CASR: variants seen among roughly 807,000 people sequenced by gnomAD.
CASR encodes the protein calcium sensing receptor.
Under a neutral mutation model 69.1 loss-of-function variants are expected in CASR, and 23 were observed. The observed-to-expected ratio is 0.33, with a 90% CI of 0.24 to 0.47. CASR has a LOEUF of 0.47. Ranked by LOEUF, CASR falls within the 20% of genes least tolerant of loss-of-function variation. The pLI is 1.00. For synonymous variants in CASR, 541 were observed against 544.7 expected (o/e 0.99, Z 0.10); for missense variants, 924 against 1,356.1 (o/e 0.68, Z 5.00).
At chr3:122,233,657 A>G (rs943777643) in intron 1 of CASR, among the ~76,000 whole-genome samples, 8 of 152,138 alleles carry the variant, frequency 5.3e-5, no homozygotes, top group East Asian at 3.8e-4. Context: ...TTTTATGTCT[A>G]TGCCCCACCC....
intron 1 of CASR, among the ~76,000 whole-genome samples, chr3:122,206,073 C>T (rs2074003726): frequency 6.6e-6 from 1 of 151,846 alleles, no homozygotes; most frequent in African/African-American, 2.4e-5. Context: ...CTTTCTTTTG[C>T]CTAATTATTC....
chr3:122,261,879 G>A lies in CASR; in HGVS notation c.844G>A (p.Glu282Lys), dbSNP rs1269873145. Residue 282 changes from glutamate (E) to lysine (K), a missense_variant, in exon 4 of 7, where the codon GAG becomes AAG. Physicochemically the swap from Glu to Lys is moderately conservative, Grantham distance 56 (BLOSUM62 1). Transcript: ENST00000639785. The stretch of plus-strand genomic sequence containing the variant: ...CCCAGATCTTGAGCCCCTCATCAAG[G>A]AGATTGTCCGGCGCAATATCACGGG... ...SGPDLEPLIK[E>K]IVRRNITGKI... 1.9e-6 allele frequency: 3 copies of A among 1,614,116 alleles called. No homozygotes were observed. Among genetic ancestry groups the A allele is most frequent in the Non-Finnish European group, 2.5e-6 (3 of 1,180,050 alleles).
chr3:122,226,340 C>T (rs941128561), intron 1 of CASR, among the ~76,000 whole-genome samples: 4 of 151,866 alleles, frequency 2.6e-5, no homozygotes, highest in South Asian at 2.1e-4. Context: ...TTGTTCCTCC[C>T]GGTGGGTTCA....
chr3:122,204,952 G>A (rs1447476773), intron 1 of CASR, among the ~76,000 whole-genome samples: 1 of 151,936 alleles, frequency 6.6e-6, no homozygotes, highest in Non-Finnish European at 1.5e-5. Flanking sequence ...GTTGTTTTGA[G>A]TTCTTTATAT....
At chr3:122,226,617 G>A (rs1441823271) in intron 1 of CASR, among the ~76,000 whole-genome samples, 4 of 151,936 alleles carry the variant, frequency 2.6e-5, no homozygotes, top group Admixed American at 2.6e-4. Flanking sequence ...CAATCCCTGA[G>A]CTAGATGCAA....
chr3:122,282,321 T>C, intron 6 of CASR, 85 bp downstream of exon 6: 1 of 1,342,818 alleles, frequency 7.4e-7, no homozygotes, highest in South Asian at 1.2e-5. Context: ...AGGGCTGGGC[T>C]GAGATGGTGC....
chr3:122,269,508 G>A (rs2202127), intron 4 of CASR, among the ~76,000 whole-genome samples: 85,656 of 152,110 alleles, frequency 0.56, 26,509 homozygotes, highest in Middle Eastern at 0.74. Flanking sequence ...TATTGTAGTT[G>A]ACCATCAAAC....
chr3:122,247,620 ATGTGGACACAGAGTTTGTTATGT>A, intron 1 of CASR: 1 of 152,208 alleles, frequency 6.6e-6, no homozygotes, highest in Non-Finnish European at 1.5e-5. Context: ...ACTCAGTCCT[ATGTGGACACAGAGTTTGTTATGT>A]TGCCGGCAGT....
intron 1 of CASR, among the ~76,000 whole-genome samples, chr3:122,252,098 A>G (rs946534822): frequency 1.4e-4 from 21 of 152,192 alleles, no homozygotes; most frequent in Non-Finnish European, 2.4e-4. Flanking sequence ...GTTCAAGGCC[A>G]GCTGTGGACA....
chr3:122,279,660 C>T (rs1285761052), intron 5 of CASR, among the ~76,000 whole-genome samples: 2 of 152,140 alleles, frequency 1.3e-5, no homozygotes, highest in Admixed American at 6.5e-5. Flanking sequence ...CATTTAACAC[C>T]TCTCAGGTTA....
chr3:122,254,056 C>G lies in CASR; in HGVS notation c.-134C>G. On this transcript the variant is annotated 5_prime_UTR_variant, in exon 2 of 7. Coordinates refer to ENST00000639785, the MANE Select transcript of CASR (RefSeq NM_000388.4). Reference sequence around the variant, plus strand: ...AGAAATGGAGATTCAAACACCACGTCTTCTATTATTTTATTAATCAATCTG... The same window carrying G: ...AGAAATGGAGATTCAAACACCACGTGTTCTATTATTTTATTAATCAATCTG... 3.5e-6 allele frequency: 3 copies of G among 848,838 alleles called. No homozygotes were observed. The highest frequency in any genetic ancestry group is 6.0e-6 in the Non-Finnish European group (3 of 496,172). The allele number at this position is 848,838 out of a possible 1,614,324, so 52.6% of individuals were successfully genotyped here.
At chr3:122,255,685 A>G (rs187734591) in intron 2 of CASR, among the ~76,000 whole-genome samples, 7 of 152,340 alleles carry the variant, frequency 4.6e-5, no homozygotes, top group Admixed American at 4.6e-4. Context: ...AAGATGTTTA[A>G]TGTAAAAAAA....
rs2074949750 is a variant in CASR, at chr3:122,284,914, T to G, written c.2960T>G (p.Met987Arg). ...LSFDEPQKNA[M>R]AHRNSTHQNS... ...TTTGATGAGCCTCAGAAGAACGCCATGGCCCACAGGAATTCTACGCACCAG... is the reference window on the plus strand; with the variant it reads ...TTTGATGAGCCTCAGAAGAACGCCAGGGCCCACAGGAATTCTACGCACCAG... Residue 987 changes from methionine (M) to arginine (R), a missense_variant, in exon 7 of 7, where the codon ATG (methionine) becomes AGG (arginine). Around this residue, in one of 8 missense-constraint regions of CASR, gnomAD observed 201 missense variants for 228.8 expected, o/e 0.88. Transcript: ENST00000639785. The G allele has an allele frequency of 6.2e-7, 1 of 1,614,116 alleles. No homozygotes were observed. The highest frequency in any genetic ancestry group is 8.5e-7 in the Non-Finnish European group (1 of 1,179,996).
intron 5 of CASR, among the ~76,000 whole-genome samples, chr3:122,277,653 G>A (rs1198023669): frequency 2.6e-5 from 4 of 152,104 alleles, no homozygotes; most frequent in African/African-American, 4.8e-5. Context: ...AATTTATCAC[G>A]TATTTTCACT....
At position 122,285,371 on chromosome 3, in the gene CASR, T is replaced by A. The variant is rs202131773; in HGVS notation, c.*180T>A. 1 of 576,006 alleles carries A rather than the reference T, an allele frequency of 1.7e-6. No homozygotes were observed. The highest frequency in any genetic ancestry group is 3.1e-6 in the Non-Finnish European group (1 of 326,380). The allele number at this position is 576,006 out of a possible 1,614,324, so 35.7% of individuals were successfully genotyped here. On this transcript the variant is annotated 3_prime_UTR_variant, in exon 7 of 7. Transcript: ENST00000639785. ...AATTGACCCATGTTCCCTTTAAAAT[T>A]AAAAAAAAGAAGAGCCTTGTGTTTC...
chr3:122,223,479 C>G (rs2074192907), intron 1 of CASR, among the ~76,000 whole-genome samples: 1 of 152,090 alleles, frequency 6.6e-6, no homozygotes, highest in Non-Finnish European at 1.5e-5. Flanking sequence ...GAAATCCAAG[C>G]CTCTCAAGAT....
rs139616404 is a variant in CASR, at chr3:122,269,528, G to A, written c.1378-6284G>A. On this transcript the variant is annotated intron_variant, in intron 4 of 6. Transcript: ENST00000639785. ...TAGTTGACCATCAAACCAACCTTTCGTTCCTGGGATTAATCCTACTTGGTC... is the reference window on the plus strand; with the variant it reads ...TAGTTGACCATCAAACCAACCTTTCATTCCTGGGATTAATCCTACTTGGTC... Among the ~76,000 whole-genome samples, 183 of 152,226 alleles carry A rather than the reference G, an allele frequency of 1.2e-3. No individual in the cohort carries two copies. In the South Asian group the frequency reaches 0.013, roughly 11 times the overall value.
rs114995735 is a variant in CASR at position 122,231,629 on chromosome 3, A to G, written c.-242-22319A>G. Among the ~76,000 whole-genome samples the G allele has an allele frequency of 3.0e-3, 463 of 152,270 alleles. 4 individuals carry two copies. Among genetic ancestry groups the G allele is most frequent in the Non-Finnish European group, 5.6e-3 (381 of 68,014 alleles). ...CTCTGTAATCTCGTGCTAGTCACTT[A>G]ACCTTGCCTTTCTGGTACATGAAAC... On this transcript the variant is annotated intron_variant, in intron 1 of 6. Coordinates refer to ENST00000639785, the MANE Select transcript of CASR (RefSeq NM_000388.4).
intron 1 of CASR, among the ~76,000 whole-genome samples, chr3:122,193,893 G>A (rs1027733550): frequency 1.3e-5 from 2 of 151,974 alleles, no homozygotes; most frequent in African/African-American, 4.8e-5. Context: ...GTTATTGGAA[G>A]GGTTTTTATA....
Sources: allele counts gnomAD v4.1 joint callset (sites outside exome capture counted in the v4.1 genomes callset), GRCh38; gene constraint gnomAD v4.1.1; regional missense constraint gnomAD v4.1.1; transcripts MANE v1.5; gene names NCBI Gene and HGNC (gene_info 2026-07-23, HGNC 2026-07-21).